The following WWOX variants were observed in gnomAD, a reference collection of about 807,000 sequenced individuals.
The protein encoded by WWOX is WW domain-containing oxidoreductase.
WWOX carries 69 observed loss-of-function variants against 46.2 expected under a neutral mutation model. The ratio of observed to expected loss-of-function variants is 1.49; its 90% CI spans 1.23 to 1.82. The LOEUF is 1.82. Among genes scored for constraint, WWOX ranks in the 40% most tolerant of loss-of-function variants. The pLI is 0.00. For missense variants in WWOX, 919 were observed against 542.6 expected (o/e 1.69, Z -6.89); for synonymous variants, 359 against 202.6 (o/e 1.77, Z -6.56).
chr16:78,948,527 G>A (rs2045993451), intron 8 of WWOX, among the ~76,000 whole-genome samples: 1 of 152,118 alleles, frequency 6.6e-6, no homozygotes, highest in African/African-American at 2.4e-5. Flanking sequence ...AGACAGCTCT[G>A]CTGCCTGATT....
chr16:78,866,300 G>A (rs568020728), intron 8 of WWOX, among the ~76,000 whole-genome samples: 3 of 152,118 alleles, frequency 2.0e-5, no homozygotes, highest in Non-Finnish European at 4.4e-5. Context: ...GCCACGGTCA[G>A]ATTTCAAGTG....
At position 78,812,835 on chromosome 16, in the gene WWOX, A is replaced by T. The variant is rs73577414; in HGVS notation, c.1056+380083A>T. On this transcript the variant is annotated intron_variant, in intron 8 of 8. Transcript: ENST00000566780. ...CCCATGTTTGTGTTATAAGTTTTCA[A>T]ACTTTTTAAATATTTTCCCCTGTCT... Among the ~76,000 whole-genome samples, 570 of 152,318 alleles carry T rather than the reference A, an allele frequency of 3.7e-3. 4 individuals carry two copies. The highest frequency in any genetic ancestry group is 0.013 in the African/African-American group (544 of 41,584).
At chr16:78,513,805 C>T (rs529492620) in intron 8 of WWOX, among the ~76,000 whole-genome samples, 95 of 152,282 alleles carry the variant, frequency 6.2e-4, no homozygotes, top group African/African-American at 2.0e-3. Flanking sequence ...TTACCATCCA[C>T]CTGCATACTT....
At chr16:78,537,888 G>C (rs1426676576) in intron 8 of WWOX, among the ~76,000 whole-genome samples, 1 of 152,172 alleles carries the variant, frequency 6.6e-6, no homozygotes, top group East Asian at 1.9e-4. Context: ...TCTCCGGAAG[G>C]TTGTCCGCGG....
In WWOX at chr16:79,139,118, T is replaced by C. The variant is rs141903881; in HGVS notation, c.1057-72490T>C. ...AGCTTCCCCGGCCCCATTCCCTCTGTCTCAGGAAAGTAATAATAGTAACTC... is the reference window on the plus strand; with the variant it reads ...AGCTTCCCCGGCCCCATTCCCTCTGCCTCAGGAAAGTAATAATAGTAACTC... On this transcript the variant is annotated intron_variant, in intron 8 of 8. Transcript: ENST00000566780. Among the ~76,000 whole-genome samples, 19 of 152,318 alleles carry C rather than the reference T, an allele frequency of 1.2e-4. 1 individual carries two copies. In the East Asian group the frequency reaches 3.7e-3, roughly 29 times the overall value.
intron 8 of WWOX, among the ~76,000 whole-genome samples, chr16:78,492,565 C>T (rs1409455296): frequency 1.3e-5 from 2 of 152,300 alleles, no homozygotes; most frequent in East Asian, 1.9e-4. Context: ...GGGGACTAAG[C>T]CCAGGACCTG....
At chr16:79,104,041 G>T (rs1289880945) in intron 8 of WWOX, among the ~76,000 whole-genome samples, 34 of 65,504 alleles carry the variant, frequency 5.2e-4, no homozygotes, top group African/African-American at 2.3e-3. Context: ...CTTTTTTGGG[G>T]GGGGGGGGGC....
At chr16:79,184,073 A>G (rs1445939283) in intron 8 of WWOX, among the ~76,000 whole-genome samples, 1 of 152,226 alleles carries the variant, frequency 6.6e-6, no homozygotes, top group East Asian at 1.9e-4. Context: ...ACATTGTCAA[A>G]AGGACTCAAA....
intron 8 of WWOX, among the ~76,000 whole-genome samples, chr16:78,758,556 A>G (rs914141159): frequency 2.6e-5 from 4 of 152,196 alleles, no homozygotes; most frequent in Non-Finnish European, 4.4e-5. Flanking sequence ...ACTTTTCAAC[A>G]CAATTCCAAG....
chr16:78,713,962 A>T (rs76925311), intron 8 of WWOX, among the ~76,000 whole-genome samples: 1 of 152,046 alleles, frequency 6.6e-6, no homozygotes, highest in Admixed American at 6.5e-5. Flanking sequence ...CTCTGTCTCC[A>T]ATTGGCTACG....
At position 78,148,770 on chromosome 16, in the gene WWOX, C is replaced by T. The variant is rs555226275; in HGVS notation, c.410-15413C>T. 2.9e-4 allele frequency among the ~76,000 whole-genome samples: 44 copies of T among 151,704 alleles called. No individual in the cohort carries two copies. In the South Asian group the frequency reaches 7.9e-3, roughly 27 times the overall value. The stretch of plus-strand genomic sequence containing the variant: ...AAAATTAGCTGGGCATGGTGGCGGG[C>T]GCCTGTAGTCCCAGCTACTCGGGAG... On this transcript the variant is annotated intron_variant, in intron 4 of 8. Transcript: ENST00000566780.
chr16:78,734,640 T>C (rs1445096344), intron 8 of WWOX, among the ~76,000 whole-genome samples: 1 of 151,826 alleles, frequency 6.6e-6, no homozygotes, highest in East Asian at 2.0e-4. Context: ...TGCCCACATG[T>C]TTGGTCAAAC....
intron 8 of WWOX, among the ~76,000 whole-genome samples, chr16:79,063,927 A>T (rs2048398046): frequency 6.6e-6 from 1 of 152,192 alleles, no homozygotes; most frequent in African/African-American, 2.4e-5. Flanking sequence ...AAAAACTGGC[A>T]ATTTTCAGTT....
chr16:78,466,798 A>T (rs1238705070), intron 8 of WWOX, among the ~76,000 whole-genome samples: 1 of 152,158 alleles, frequency 6.6e-6, no homozygotes, highest in African/African-American at 2.4e-5. Flanking sequence ...CAGTGAGCCG[A>T]TATCTCACCT....
chr16:78,672,676 G>A (rs575003359), intron 8 of WWOX, among the ~76,000 whole-genome samples: 46 of 152,280 alleles, frequency 3.0e-4, no homozygotes, highest in South Asian at 1.0e-3. Context: ...AAAAGTGATC[G>A]GATGAAATTT....
chr16:79,148,146 G>A (rs1254671121), intron 8 of WWOX, among the ~76,000 whole-genome samples: 1 of 151,790 alleles, frequency 6.6e-6, no homozygotes, highest in African/African-American at 2.4e-5. Flanking sequence ...ATAATTCTTT[G>A]GGTAACCATA....
chr16:78,425,354 G>A (rs1482462937), intron 7 of WWOX, among the ~76,000 whole-genome samples: 1 of 152,148 alleles, frequency 6.6e-6, no homozygotes, highest in Non-Finnish European at 1.5e-5. Context: ...GACCTTTATT[G>A]ATTTGTAATT....
intron 6 of WWOX, among the ~76,000 whole-genome samples, chr16:78,412,423 C>G (rs1469155960): frequency 1.3e-5 from 2 of 152,060 alleles, no homozygotes; most frequent in African/African-American, 2.4e-5. Flanking sequence ...GTGGCTAGAG[C>G]TAAGGGTTTG....
intron 8 of WWOX, among the ~76,000 whole-genome samples, chr16:79,066,574 C>T (rs1042572267): frequency 1.3e-5 from 2 of 152,134 alleles, no homozygotes; most frequent in African/African-American, 4.8e-5. Context: ...TTTCTTTCCC[C>T]CTTATTTCTG....
Sources: allele counts gnomAD v4.1 joint callset (sites outside exome capture counted in the v4.1 genomes callset), GRCh38; gene constraint gnomAD v4.1.1; transcripts MANE v1.5; gene names NCBI Gene and HGNC (gene_info 2026-07-23, HGNC 2026-07-21).